Variants in JARID2 observed in about 807,000 individuals in gnomAD.
The protein encoded by JARID2 is jumonji and AT-rich interaction domain containing 2.
Under a neutral mutation model 125.6 loss-of-function variants are expected in JARID2, and 21 were observed. The ratio of observed to expected loss-of-function variants is 0.17; its 90% CI spans 0.12 to 0.24. The LOEUF is 0.24. Among genes scored for constraint, JARID2 ranks in the 10% least tolerant of loss-of-function variants. JARID2 has a pLI of 1.00. For missense variants in JARID2, 1,303 were observed against 1,639.6 expected (o/e 0.79, Z 3.55); for synonymous variants, 736 against 661.6 (o/e 1.11, Z -1.73).
At chr6:15,508,575 G>T in intron 12 of JARID2, 121 bp downstream of exon 12, 1 of 665,504 alleles carries the variant, frequency 1.5e-6, no homozygotes, top group Non-Finnish European at 2.7e-6. Flanking sequence ...TTGCTTCTCT[G>T]TGTTCAGGCC....
At chr6:15,516,839 G>A (rs1369227277) in intron 16 of JARID2, among the ~76,000 whole-genome samples, 5 of 152,334 alleles carry the variant, frequency 3.3e-5, no homozygotes, top group African/African-American at 1.2e-4. Flanking sequence ...TTAGCAGCCT[G>A]GTGGTGACTG....
At chr6:15,276,826 T>C (rs1052629005) in intron 1 of JARID2, among the ~76,000 whole-genome samples, 1 of 152,166 alleles carries the variant, frequency 6.6e-6, no homozygotes, top group African/African-American at 2.4e-5. Context: ...CAGTGACTGT[T>C]GAGTCATTAC....
Position 15,309,683 on chromosome 6 carries a change from GTA to G in JARID2, c.45+63111_45+63112del, listed in dbSNP as rs61238284. ...CATATATAAACGTGTGTGTGTGTGT[GTA>G]TATATATATATGTATGCTTTGACAA... On this transcript the variant is annotated intron_variant, in intron 1 of 17. Coordinates refer to ENST00000341776, the MANE Select transcript of JARID2 (RefSeq NM_004973.4). 2.4e-3 allele frequency among the ~76,000 whole-genome samples: 355 copies of G among 150,840 alleles called. 1 individual carries two copies. The highest frequency in any genetic ancestry group is 7.5e-3 in the African/African-American group (308 of 41,212).
At chr6:15,434,120 C>T (rs537116805) in intron 3 of JARID2, among the ~76,000 whole-genome samples, 6 of 151,110 alleles carry the variant, frequency 4.0e-5, no homozygotes, top group African/African-American at 7.3e-5. Context: ...TGTCTCCACC[C>T]TTCACTGTGT....
intron 1 of JARID2, among the ~76,000 whole-genome samples, chr6:15,358,031 G>A (rs1211555012): frequency 6.6e-6 from 1 of 152,080 alleles, no homozygotes; most frequent in East Asian, 1.9e-4. Context: ...TCTATTTACG[G>A]TAATTACTAG....
rs1329958001 is a variant in JARID2, at chr6:15,473,530, C to T, written c.670+4812C>T. ...GATGTGCGTGCCCCCCCCCCCCCCC[C>T]GCTTTGTGTCCTGCCACCCACCTCA... On this transcript the variant is annotated intron_variant, in intron 5 of 17. Coordinates refer to ENST00000341776, the MANE Select transcript of JARID2 (RefSeq NM_004973.4). 6.1e-5 allele frequency among the ~76,000 whole-genome samples: 5 copies of T among 81,956 alleles called. 1 individual carries two copies. The highest frequency in any genetic ancestry group is 1.0e-3 in the South Asian group (2 of 1,982). The allele number at this position is 81,956 out of a possible 152,430, so 53.8% of individuals were successfully genotyped here. A position where few individuals can be genotyped will look rare whatever the true frequency, so the allele number is the denominator to read the frequency against.
chr6:15,372,716 A>AT (rs1007809942), intron 1 of JARID2, among the ~76,000 whole-genome samples: 216 of 146,010 alleles, frequency 1.5e-3, no homozygotes, highest in Middle Eastern at 7.1e-3. Context: ...TTATTTATTT[A>AT]TTTTTTTTTT....
At chr6:15,329,306 C>T (rs1374363244) in intron 1 of JARID2, among the ~76,000 whole-genome samples, 1 of 151,850 alleles carries the variant, frequency 6.6e-6, no homozygotes, top group Non-Finnish European at 1.5e-5. Flanking sequence ...ATTAATCCTG[C>T]AATGAGTGAG....
chr6:15,506,696 T>C (rs181034154), intron 9 of JARID2, among the ~76,000 whole-genome samples: 2 of 152,352 alleles, frequency 1.3e-5, no homozygotes, highest in African/African-American at 2.4e-5. Flanking sequence ...AGATGGGACA[T>C]ATTAAAAGTC....
chr6:15,487,326 GTCA>G lies in JARID2; in HGVS notation c.691_693del (p.Ser231del). On this transcript the variant is annotated inframe_deletion, in exon 6 of 18. Coordinates refer to ENST00000341776, the MANE Select transcript of JARID2 (RefSeq NM_004973.4). ...TTCTAGTTTTCAATGGTTCCAGCAG[GTCA>G]ACACGGGAGAAGGAACCTGTTCAAA... 6.2e-7 allele frequency: 1 copy of G among 1,614,092 alleles called. No individual in the cohort carries two copies. Among genetic ancestry groups the G allele is most frequent in the Non-Finnish European group, 8.5e-7 (1 of 1,179,996 alleles).
chr6:15,326,029 T>A (rs551959115), intron 1 of JARID2, among the ~76,000 whole-genome samples: 2 of 152,268 alleles, frequency 1.3e-5, no homozygotes, highest in African/African-American at 4.8e-5. Context: ...TGAATTAATA[T>A]GAAATTTGTT....
intron 1 of JARID2, among the ~76,000 whole-genome samples, chr6:15,346,446 G>T (rs1763247461): frequency 1.3e-5 from 2 of 152,106 alleles, no homozygotes; most frequent in Admixed American, 6.6e-5. Context: ...TTTTAAGTTT[G>T]CTTGGCTTTC....
rs559762350 is a variant in JARID2, at chr6:15,246,311, ATTTTT to A, written c.-224_-220del. The stretch of plus-strand genomic sequence containing the variant: ...CATTATGAGTGTTTTACTAAAGTGA[ATTTTT>A]TTTTGTTTGCTTCGTTCGTCTTTGG... On this transcript the variant is annotated 5_prime_UTR_variant, in exon 1 of 18. Transcript: ENST00000341776. The A allele has an allele frequency of 3.5e-6, 2 of 564,016 alleles. No homozygotes were observed. Among genetic ancestry groups the A allele is most frequent in the Admixed American group, 3.4e-5 (1 of 29,178 alleles). 34.9% of individuals were successfully genotyped at this position (564,016 alleles called of 1,614,324 possible).
chr6:15,395,823 C>A (rs1362128565), intron 2 of JARID2, among the ~76,000 whole-genome samples: 1 of 151,956 alleles, frequency 6.6e-6, no homozygotes, highest in African/African-American at 2.4e-5. Flanking sequence ...CACCACCATG[C>A]CTGGCTAATT....
Position 15,520,422 on chromosome 6 carries a change from T to TAA in JARID2, c.*171_*172insAA. 2 of 544,880 alleles carry TAA rather than the reference T, an allele frequency of 3.7e-6. No individual in the cohort carries two copies. Among genetic ancestry groups the TAA allele is most frequent in the Non-Finnish European group, 6.1e-6 (2 of 327,296 alleles). 33.8% of individuals were successfully genotyped at this position (544,880 alleles called of 1,614,324 possible). ...AGCATTAAACTGTTGAACTTTTTTT[T>TAA]GTACTTAGAAAACCTAGATACTGCA... is the stretch of plus-strand genomic sequence containing the variant. On this transcript the variant is annotated 3_prime_UTR_variant, in exon 18 of 18. Transcript: ENST00000341776.
intron 3 of JARID2, among the ~76,000 whole-genome samples, chr6:15,432,130 C>T (rs908920840): frequency 4.0e-5 from 6 of 151,524 alleles, no homozygotes; most frequent in Non-Finnish European, 8.8e-5. Flanking sequence ...TTTATTGAAA[C>T]GAAAGTACAC....
At chr6:15,517,392 G>A in intron 17 of JARID2, 124 bp downstream of exon 17, 1 of 686,276 alleles carries the variant, frequency 1.5e-6, no homozygotes, top group Admixed American at 2.3e-5. Context: ...CTGCAGGCCT[G>A]AGGTGCCCTG....
At chr6:15,260,361 C>A (rs1297765685) in intron 1 of JARID2, among the ~76,000 whole-genome samples, 1 of 152,150 alleles carries the variant, frequency 6.6e-6, no homozygotes, top group Non-Finnish European at 1.5e-5. Context: ...ATCCTCAAAA[C>A]TACTGTTAGG....
chr6:15,329,661 T>C (rs1349833323), intron 1 of JARID2, among the ~76,000 whole-genome samples: 2 of 152,232 alleles, frequency 1.3e-5, no homozygotes, highest in Non-Finnish European at 2.9e-5. Flanking sequence ...CATTCGGATT[T>C]TATCTTCCCA....
Sources: allele counts gnomAD v4.1 joint callset (sites outside exome capture counted in the v4.1 genomes callset), GRCh38; gene constraint gnomAD v4.1.1; transcripts MANE v1.5; gene names NCBI Gene and HGNC (gene_info 2026-07-23, HGNC 2026-07-21).